ST6GAL1: variants seen among roughly 807,000 people sequenced by gnomAD.
ST6GAL1 encodes beta-galactoside alpha-2,6-sialyltransferase 1.
Under a neutral mutation model 38.0 loss-of-function variants are expected in ST6GAL1, and 20 were observed. The ratio of observed to expected loss-of-function variants is 0.53; its 90% CI spans 0.37 to 0.77. The LOEUF (loss-of-function observed/expected upper bound fraction) is 0.77. Among genes scored for constraint, ST6GAL1 ranks in the 30% least tolerant of loss-of-function variants. ST6GAL1 has a pLI of 0.00. For synonymous variants in ST6GAL1, 196 were observed against 188.2 expected (o/e 1.04, Z -0.34); for missense variants, 432 against 496.4 (o/e 0.87, Z 1.23).
In ST6GAL1 at chr3:187,043,329, C is replaced by A; in HGVS notation, c.607+19C>A. 1 of 1,600,586 alleles carries A rather than the reference C, an allele frequency of 6.2e-7. No individual in the cohort carries two copies. Among genetic ancestry groups the A allele is most frequent in the South Asian group, 1.1e-5 (1 of 89,380 alleles). On this transcript the variant is annotated intron_variant, in intron 4 of 7. Transcript: ENST00000169298. ...GAAATCGGTATGTTCTGGGGTTGTT[C>A]TGTGAATGGCAGTGCTTATTGGGAC...
chr3:187,012,018 A>G (rs560785809), intron 2 of ST6GAL1, among the ~76,000 whole-genome samples: 17 of 152,246 alleles, frequency 1.1e-4, no homozygotes, highest in Admixed American at 9.2e-4. Flanking sequence ...TAGCCAAGCT[A>G]TGGTCTCTGC....
rs537397109 is a variant in ST6GAL1, at chr3:186,997,599, T to TA, written c.-183+33682dup. 3.4e-4 allele frequency among the ~76,000 whole-genome samples: 50 copies of TA among 147,924 alleles called. 1 individual carries two copies. The highest frequency in any genetic ancestry group is 2.0e-4 in the Admixed American group (3 of 14,930). ...AGTAAGACCCTGTCTTTACAAAAAA[T>TA]AAAAAAAAATAGCCAGGTGTGGTAG... is the stretch of plus-strand genomic sequence containing the variant. On this transcript the variant is annotated intron_variant, in intron 2 of 7. Coordinates refer to ENST00000169298, the MANE Select transcript of ST6GAL1 (RefSeq NM_173216.2).
chr3:186,932,599 C>T (rs1054038491), intron 1 of ST6GAL1, among the ~76,000 whole-genome samples: 2 of 152,218 alleles, frequency 1.3e-5, no homozygotes, highest in African/African-American at 4.8e-5. Flanking sequence ...TACGGAGACT[C>T]AGATGTTTTG....
At chr3:187,072,191 A>T (rs1195488259) in intron 5 of ST6GAL1, 1 of 152,936 alleles carries the variant, frequency 6.5e-6, no homozygotes, top group Non-Finnish European at 1.5e-5. Flanking sequence ...TGGTTCCCTC[A>T]GCCAGCAGAG....
At chr3:186,964,072 G>A (rs1288079024) in intron 2 of ST6GAL1, 146 bp downstream of exon 2, 1 of 152,232 alleles carries the variant, frequency 6.6e-6, no homozygotes, top group Middle Eastern at 3.2e-3. Context: ...TCAGCCCGTT[G>A]GGAGGCAAGG....
chr3:186,974,646 TGGGA>T (rs1715460905), intron 2 of ST6GAL1, among the ~76,000 whole-genome samples: 1 of 150,504 alleles, frequency 6.6e-6, no homozygotes, highest in African/African-American at 2.4e-5. Flanking sequence ...TTTGTTTTTA[TGGGA>T]TTAGTTCTGT....
At chr3:186,976,665 A>G (rs1478563942) in intron 2 of ST6GAL1, among the ~76,000 whole-genome samples, 1 of 152,146 alleles carries the variant, frequency 6.6e-6, no homozygotes, top group Non-Finnish European at 1.5e-5. Context: ...CCTGACCTCA[A>G]GTGATCCACC....
intron 1 of ST6GAL1, among the ~76,000 whole-genome samples, chr3:186,936,135 A>T (rs1170599429): frequency 6.6e-6 from 1 of 152,184 alleles, no homozygotes; most frequent in Non-Finnish European, 1.5e-5. Context: ...TCAGGAGCTC[A>T]GAGAAAATTG....
At chr3:187,017,606 G>C in intron 2 of ST6GAL1, among the ~76,000 whole-genome samples, 1 of 152,162 alleles carries the variant, frequency 6.6e-6, no homozygotes, top group Non-Finnish European at 1.5e-5. Context: ...GCCTTGGACG[G>C]GTTCTAGCAA....
chr3:186,997,192 T>C (rs1716444176), intron 2 of ST6GAL1, among the ~76,000 whole-genome samples: 1 of 152,182 alleles, frequency 6.6e-6, no homozygotes, highest in African/African-American at 2.4e-5. Flanking sequence ...CACGTTACGC[T>C]ACTTCCTCCT....
chr3:187,075,959 C>T lies in ST6GAL1; in HGVS notation c.*156C>T, dbSNP rs528366907. The T allele has an allele frequency of 9.5e-6, 11 of 1,155,114 alleles. No homozygotes were observed. In the East Asian group the frequency reaches 2.5e-4, roughly 27 times the overall value. 71.6% of individuals were successfully genotyped at this position (1,155,114 alleles called of 1,614,324 possible). A position where few individuals can be genotyped will look rare whatever the true frequency, so the allele number is the denominator to read the frequency against. On this transcript the variant is annotated 3_prime_UTR_variant, in exon 8 of 8. Transcript: ENST00000169298. This position sits in a 1 kb window ranked among gnomAD's most constrained non-coding sequence, Gnocchi z 4.1. The stretch of plus-strand genomic sequence containing the variant: ...CATGGGGACTTCAAGAGCCTGTGGT[C>T]AGGAAATCAGGTCCAGCCTTCCCTG...
At chr3:187,025,125 T>C (rs1481643270) in intron 2 of ST6GAL1, among the ~76,000 whole-genome samples, 1 of 151,990 alleles carries the variant, frequency 6.6e-6, no homozygotes, top group Non-Finnish European at 1.5e-5. Flanking sequence ...TAATTCTCGA[T>C]GCCATGGGAG....
chr3:186,987,853 C>A (rs2108543035), intron 2 of ST6GAL1, among the ~76,000 whole-genome samples: 1 of 152,310 alleles, frequency 6.6e-6, no homozygotes, highest in East Asian at 1.9e-4. Context: ...GCTGCTGCTT[C>A]TTATGCTAGA....
chr3:186,983,885 A>G (rs988367346), intron 2 of ST6GAL1, among the ~76,000 whole-genome samples: 4 of 152,122 alleles, frequency 2.6e-5, no homozygotes, highest in Admixed American at 1.3e-4. Flanking sequence ...AGAACATCCG[A>G]AAAGCTCTCA....
chr3:186,982,750 C>A (rs188925369), intron 2 of ST6GAL1, among the ~76,000 whole-genome samples: 24 of 151,378 alleles, frequency 1.6e-4, no homozygotes, highest in Admixed American at 1.3e-3. Context: ...GGTGTGATCT[C>A]GGCTCACTGC....
At chr3:186,962,544 G>C (rs910594964) in intron 1 of ST6GAL1, among the ~76,000 whole-genome samples, 7 of 152,140 alleles carry the variant, frequency 4.6e-5, no homozygotes, top group East Asian at 1.9e-4. Context: ...AGGAGTGTTA[G>C]GGGAATGGGC....
At chr3:186,959,954 T>G (rs1447939392) in intron 1 of ST6GAL1, among the ~76,000 whole-genome samples, 1 of 152,222 alleles carries the variant, frequency 6.6e-6, no homozygotes, top group African/African-American at 2.4e-5. Context: ...AGCCAGGGGC[T>G]TGGGGCCACA....
intron 2 of ST6GAL1, among the ~76,000 whole-genome samples, chr3:187,004,526 G>GT (rs1380574010): frequency 6.6e-6 from 1 of 152,198 alleles, no homozygotes; most frequent in Non-Finnish European, 1.5e-5. Context: ...CATAGGCAGT[G>GT]TAGGAGGAAG....
intron 6 of ST6GAL1, 170 bp from the exon 7 acceptor site, chr3:187,073,989 C>A: frequency 3.5e-6 from 2 of 564,800 alleles, no homozygotes; most frequent in Non-Finnish European, 5.8e-6. Flanking sequence ...TCCAGTGAAA[C>A]CTGCGGCTGG....
Sources: allele counts gnomAD v4.1 joint callset (sites outside exome capture counted in the v4.1 genomes callset), GRCh38; gene constraint gnomAD v4.1.1; non-coding constraint Gnocchi (gnomAD v3.1); transcripts MANE v1.5; gene names NCBI Gene and HGNC (gene_info 2026-07-23, HGNC 2026-07-21).